Variants in RNF216 observed in about 807,000 individuals in gnomAD.
RNF216 encodes the protein E3 ubiquitin-protein ligase RNF216.
A neutral mutation model predicts 110.8 loss-of-function variants in RNF216; 72 were observed. The observed-to-expected ratio is 0.65, with a 90% CI of 0.54 to 0.79. The LOEUF (loss-of-function observed/expected upper bound fraction) is 0.79, where lower values mean the gene tolerates loss of function less well. RNF216 is among the 30% of genes least tolerant of loss of function. RNF216 has a pLI of 0.00. For synonymous variants in RNF216, 495 were observed against 407.5 expected, an observed-to-expected ratio of 1.21 and a Z score of -2.59; for missense variants, 1,342 against 1,141.2, an observed-to-expected ratio of 1.18 and a Z score of -2.54.
At chr7:5,637,058 A>G (rs1171389090) in intron 15 of RNF216, among the ~76,000 whole-genome samples, 1 of 152,110 alleles carries the variant, frequency 6.6e-6, no homozygotes, top group African/African-American at 2.4e-5. Context: ...GAGATGAAAT[A>G]CTGCCTGTGG....
At chr7:5,766,362 G>T (rs931579200) in intron 1 of RNF216, among the ~76,000 whole-genome samples, 7 of 152,114 alleles carry the variant, frequency 4.6e-5, no homozygotes, top group Non-Finnish European at 1.0e-4. Context: ...AGTGTGTCAC[G>T]CCTGGCCTCC....
intron 1 of RNF216, among the ~76,000 whole-genome samples, chr7:5,771,431 C>A (rs569852374): frequency 6.6e-6 from 1 of 152,032 alleles, no homozygotes; most frequent in Non-Finnish European, 1.5e-5. Context: ...TGTCTACTCA[C>A]CAAAGAAATT....
chr7:5,750,071 CTTATTT>C (rs1252193540), intron 3 of RNF216, among the ~76,000 whole-genome samples: 1 of 152,234 alleles, frequency 6.6e-6, no homozygotes, highest in East Asian at 1.9e-4. Flanking sequence ...CATGAGTATT[CTTATTT>C]TTATGGCAAT....
chr7:5,746,585 T>TGGAAACTG (rs374179885), intron 3 of RNF216, among the ~76,000 whole-genome samples: 503 of 152,274 alleles, frequency 3.3e-3, no homozygotes, highest in South Asian at 5.8e-3. Context: ...CTGAGTCAGA[T>TGGAAACTG]GGAAACTGCA....
In RNF216 at chr7:5,773,346, G is replaced by A. The variant is rs191727082; in HGVS notation, c.-70+8195C>T. ...CAACCTCCACCTCCTGGGTTCAAGCGATTCTTCTGCCTCAACCTCCAGAAT... is the reference window on the plus strand; with the variant it reads ...CAACCTCCACCTCCTGGGTTCAAGCAATTCTTCTGCCTCAACCTCCAGAAT... On this transcript the variant is annotated intron_variant, in intron 1 of 16. Transcript: ENST00000389902. Among the ~76,000 whole-genome samples the A allele has an allele frequency of 3.7e-3, 565 of 151,462 alleles. 3 individuals carry two copies. Among genetic ancestry groups the A allele is most frequent in the African/African-American group, 0.013 (545 of 41,272 alleles).
intron 13 of RNF216, among the ~76,000 whole-genome samples, chr7:5,666,242 G>C (rs1254537297): frequency 6.6e-6 from 1 of 152,044 alleles, no homozygotes; most frequent in Non-Finnish European, 1.5e-5. Context: ...CTGCAGTGGG[G>C]ACACACATTA....
At chr7:5,702,283 A>C (rs988851671) in intron 13 of RNF216, among the ~76,000 whole-genome samples, 4 of 152,212 alleles carry the variant, frequency 2.6e-5, no homozygotes, top group African/African-American at 7.2e-5. Context: ...AAGGCGGGCC[A>C]AGGGGAGAGG....
chr7:5,775,905 G>C (rs1169407441), intron 1 of RNF216, among the ~76,000 whole-genome samples: 1 of 151,880 alleles, frequency 6.6e-6, no homozygotes, highest in Non-Finnish European at 1.5e-5. Context: ...GCAGAGCTAG[G>C]CACAGGCTGG....
chr7:5,632,371 C>G (rs539295809), intron 15 of RNF216, among the ~76,000 whole-genome samples: 2 of 152,198 alleles, frequency 1.3e-5, no homozygotes, highest in East Asian at 3.8e-4. Context: ...TCCTTCTGGC[C>G]CCTCCTAATC....
chr7:5,701,546 G>A (rs1050451065), intron 13 of RNF216, among the ~76,000 whole-genome samples: 11 of 152,244 alleles, frequency 7.2e-5, no homozygotes, highest in Non-Finnish European at 1.6e-4. Context: ...TTGCACAAAA[G>A]CTCTACGAGG....
intron 13 of RNF216, among the ~76,000 whole-genome samples, chr7:5,708,141 C>A (rs957468032): frequency 5.3e-5 from 8 of 152,156 alleles, no homozygotes; most frequent in Non-Finnish European, 1.2e-4. Flanking sequence ...TTTGTTAAGA[C>A]CTGTATTATG....
chr7:5,764,464 A>G (rs1021723380), intron 1 of RNF216, among the ~76,000 whole-genome samples: 1 of 151,810 alleles, frequency 6.6e-6, no homozygotes, highest in African/African-American at 2.4e-5. Flanking sequence ...CCTGGTCAAC[A>G]TGGCAAAACG....
At chr7:5,674,120 C>T (rs968296525) in intron 13 of RNF216, among the ~76,000 whole-genome samples, 1 of 151,930 alleles carries the variant, frequency 6.6e-6, no homozygotes, top group Non-Finnish European at 1.5e-5. Context: ...ACCTCCGCCT[C>T]CTGGGTTCAA....
Position 5,721,140 on chromosome 7 carries a change from G to A in RNF216, c.1537C>T (p.Leu513Phe), listed in dbSNP as rs201663977. ...CTACAATGTCGTCGCTTATTTTCAA[G>A]AAAGAACATCCTCTTTTCTATTTTT... Reference protein sequence around the residue: ...DIKIEKRMFFLENKRRHCRSY... With the variant: ...DIKIEKRMFFFENKRRHCRSY... Residue 513 changes from leucine to phenylalanine, a missense_variant, in exon 9 of 17, where the codon CTT becomes TTT. Coordinates refer to ENST00000389902, the MANE Select transcript of RNF216 (RefSeq NM_207111.4). 2 of 1,613,750 alleles carry A rather than the reference G, an allele frequency of 1.2e-6. No individual in the cohort carries two copies. The highest frequency in any genetic ancestry group is 1.7e-6 in the Non-Finnish European group (2 of 1,179,670).
At chr7:5,673,021 G>C (rs1011180322) in intron 13 of RNF216, among the ~76,000 whole-genome samples, 1 of 152,142 alleles carries the variant, frequency 6.6e-6, no homozygotes, top group Non-Finnish European at 1.5e-5. Context: ...CAAGAGACAC[G>C]GGGCAGGGGC....
intron 1 of RNF216, among the ~76,000 whole-genome samples, chr7:5,778,240 A>G (rs142276166): frequency 2.8e-4 from 42 of 152,310 alleles, no homozygotes; most frequent in African/African-American, 1.0e-3. Context: ...ACAATGGTTC[A>G]GTTCCATGAC....
intron 3 of RNF216, among the ~76,000 whole-genome samples, chr7:5,750,596 T>C (rs560138220): frequency 6.6e-6 from 1 of 152,360 alleles, no homozygotes; most frequent in South Asian, 2.1e-4. Flanking sequence ...AAGCTGAAGC[T>C]GGACAAATCT....
At position 5,648,857 on chromosome 7, in the gene RNF216, T is replaced by G. The variant is rs543404316; in HGVS notation, c.2159+3556A>C. ...AATTATCAAATGCAATGAATCTCAT[T>G]TGGATCCTAACCTGAACAAACTAAC... On this transcript the variant is annotated intron_variant, in intron 14 of 16. Transcript: ENST00000389902. 9.2e-5 allele frequency among the ~76,000 whole-genome samples: 14 copies of G among 152,252 alleles called. No homozygotes were observed. In the South Asian group the frequency reaches 2.9e-3, roughly 32 times the overall value.
At position 5,747,221 on chromosome 7, in the gene RNF216, T is replaced by C. The variant is rs142981591; in HGVS notation, c.202-5406A>G. 3.2e-3 allele frequency among the ~76,000 whole-genome samples: 488 copies of C among 152,336 alleles called. 3 individuals are homozygous for C. Among genetic ancestry groups the C allele is most frequent in the African/African-American group, 0.011 (472 of 41,578 alleles). ...ACATGCTACGGATAAAAACAGGTCA[T>C]AGTTTAAAAATGTCCTAAACCTGGG... On this transcript the variant is annotated intron_variant, in intron 3 of 16. Coordinates refer to ENST00000389902, the MANE Select transcript of RNF216 (RefSeq NM_207111.4).
Sources: allele counts gnomAD v4.1 joint callset (sites outside exome capture counted in the v4.1 genomes callset), GRCh38; gene constraint gnomAD v4.1.1; transcripts MANE v1.5; gene names NCBI Gene and HGNC (gene_info 2026-07-23, HGNC 2026-07-21).